PCDHGA7: variants seen among roughly 807,000 people sequenced by gnomAD.
The protein encoded by PCDHGA7 is protocadherin gamma subfamily A, 7.
A neutral mutation model predicts 58.3 loss-of-function variants in PCDHGA7; 44 were observed. The observed-to-expected ratio is 0.75, with a 90% CI of 0.59 to 0.97. The LOEUF is 0.97. Ranked by LOEUF, PCDHGA7 falls within the 50% of genes least tolerant of loss-of-function variation. The pLI is 0.00. For missense variants in PCDHGA7, 1,266 were observed against 1,188.7 expected (o/e 1.06, Z -0.96); for synonymous variants, 516 against 504.2 (o/e 1.02, Z -0.31).
intron 1 of PCDHGA7, among the ~76,000 whole-genome samples, chr5:141,483,725 C>T (rs903001715): frequency 1.3e-5 from 2 of 152,008 alleles, no homozygotes; most frequent in Non-Finnish European, 1.5e-5. Context: ...TGGTTCCCAC[C>T]ATAGTCAAAA....
chr5:141,389,999 G>C (rs777892783), intron 1 of PCDHGA7: 4 of 1,614,018 alleles, frequency 2.5e-6, no homozygotes, highest in Non-Finnish European at 3.4e-6. Context: ...TCGTGGCCAT[G>C]ATTCTGGCCA....
chr5:141,489,696 C>T lies in PCDHGA7; in HGVS notation c.2425-5111C>T. On this transcript the variant is annotated intron_variant, in intron 1 of 3. Transcript: ENST00000518325. This position sits in a 1 kb window ranked among gnomAD's most constrained non-coding sequence, Gnocchi z 4.5. ...AATCAGCAGCATCTGGGGCACGATT[C>T]CCACTGGACAGTGCCCAGGATCCGG... 6.2e-7 allele frequency: 1 copy of T among 1,614,170 alleles called. No homozygotes were observed. Among genetic ancestry groups the T allele is most frequent in the Non-Finnish European group, 8.5e-7 (1 of 1,180,002 alleles).
intron 1 of PCDHGA7, chr5:141,423,505 C>G: frequency 6.2e-7 from 1 of 1,613,932 alleles, no homozygotes; most frequent in Non-Finnish European, 8.5e-7. Context: ...CGAGGTCTCT[C>G]TCATTGCGGA....
chr5:141,430,975 G>A (rs776670383), intron 1 of PCDHGA7: 2 of 1,613,208 alleles, frequency 1.2e-6, no homozygotes, highest in Admixed American at 1.7e-5. Flanking sequence ...GAGGTAGGAC[G>A]CAGCTTTTCG....
chr5:141,394,868 C>G lies in PCDHGA7; in HGVS notation c.2424+9545C>G, dbSNP rs1159006718. On this transcript the variant is annotated intron_variant, in intron 1 of 3. Coordinates refer to ENST00000518325, the MANE Select transcript of PCDHGA7 (RefSeq NM_018920.4). ...GTCTGAAGCCTTCGGTCGACCCGAA[C>G]GATTCGAGCCTTACACTCTATCTCG... The G allele has an allele frequency of 1.7e-5, 27 of 1,613,710 alleles. No homozygotes were observed. In the African/African-American group the frequency reaches 1.7e-4, roughly 10 times the overall value.
rs200349213 is a variant in PCDHGA7 at position 141,425,728 on chromosome 5, GGAT to G, written c.2424+40407_2424+40409del. Among the ~76,000 whole-genome samples the G allele has an allele frequency of 9.8e-4, 149 of 152,196 alleles. 2 individuals carry two copies. In the East Asian group the frequency reaches 0.027, roughly 28 times the overall value. ...AAAATTTTCCCATACCACTTGATGG[GGAT>G]GTTTTCCCACAAGGTTTTTGTTCTA... On this transcript the variant is annotated intron_variant, in intron 1 of 3. Transcript: ENST00000518325.
At chr5:141,484,311 C>T (rs1234690996) in intron 1 of PCDHGA7, among the ~76,000 whole-genome samples, 2 of 152,196 alleles carry the variant, frequency 1.3e-5, no homozygotes, top group African/African-American at 4.8e-5. Flanking sequence ...CTCCACCCCG[C>T]TTCCATACTG....
At chr5:141,410,847 G>GTTTTT (rs773839667) in intron 1 of PCDHGA7, 12 of 158,330 alleles carry the variant, frequency 7.6e-5, no homozygotes, top group African/African-American at 2.5e-4. Flanking sequence ...TTTTGTCTTT[G>GTTTTT]TCTTTTTTTT....
intron 1 of PCDHGA7, among the ~76,000 whole-genome samples, chr5:141,466,826 G>A (rs978548667): frequency 1.2e-4 from 18 of 152,056 alleles, no homozygotes; most frequent in Admixed American, 8.5e-4. Flanking sequence ...TAACAAGTTA[G>A]TATGGGTTTA....
At chr5:141,420,634 G>A (rs891111955) in intron 1 of PCDHGA7, among the ~76,000 whole-genome samples, 2 of 152,080 alleles carry the variant, frequency 1.3e-5, no homozygotes, top group African/African-American at 4.8e-5. Context: ...CTCAATAAAG[G>A]AACCTTGTAA....
chr5:141,489,458 G>A lies in PCDHGA7; in HGVS notation c.2425-5349G>A, dbSNP rs143138320. 3.5e-5 allele frequency: 56 copies of A among 1,614,042 alleles called. No homozygotes were observed. The highest frequency in any genetic ancestry group is 8.0e-5 in the African/African-American group (6 of 75,052). ...CAATTGGGCTCTGAGGAGAATGGGC[G>A]CTATTTTTCCCTGAGCTTGATGAGT... is the stretch of plus-strand genomic sequence containing the variant. On this transcript the variant is annotated intron_variant, in intron 1 of 3. Transcript: ENST00000518325. This position sits in a 1 kb window ranked among gnomAD's most constrained non-coding sequence, Gnocchi z 4.5.
At chr5:141,501,313 ACAC>A (rs2099807743) in intron 2 of PCDHGA7, among the ~76,000 whole-genome samples, 1 of 151,686 alleles carries the variant, frequency 6.6e-6, no homozygotes, top group Non-Finnish European at 1.5e-5. Context: ...ACACACACAC[ACAC>A]ACACACACAC....
chr5:141,451,205 C>G (rs1023049434), intron 1 of PCDHGA7, among the ~76,000 whole-genome samples: 2 of 152,142 alleles, frequency 1.3e-5, no homozygotes, highest in African/African-American at 4.8e-5. Flanking sequence ...TATCCCAAAA[C>G]TTAGTGGCTT....
rs1302496204 is a variant in PCDHGA7, at chr5:141,413,214, T to A, written c.2424+27891T>A. On this transcript the variant is annotated intron_variant, in intron 1 of 3. Coordinates refer to ENST00000518325, the MANE Select transcript of PCDHGA7 (RefSeq NM_018920.4). ...GGAATCGCTCAAAGGAATCAAAGGA[T>A]TGCAGCGGGCTGGTCCTGCTCTGCC... 6 of 1,613,176 alleles carry A rather than the reference T, an allele frequency of 3.7e-6. No homozygotes were observed. The African/African-American group carries it at 8.0e-5, about 22-fold the overall frequency.
intron 1 of PCDHGA7, chr5:141,403,395 C>T (rs758295115): frequency 3.7e-6 from 6 of 1,614,084 alleles, no homozygotes; most frequent in Admixed American, 3.3e-5. Context: ...ATCGCGGTTC[C>T]TGGAGCACGT....
intron 1 of PCDHGA7, among the ~76,000 whole-genome samples, chr5:141,450,233 G>A (rs2098674391): frequency 6.6e-6 from 1 of 152,026 alleles, no homozygotes; most frequent in Non-Finnish European, 1.5e-5. Flanking sequence ...GGCCAGGCTA[G>A]TCTTGAACTC....
At chr5:141,450,453 C>T (rs1202828231) in intron 1 of PCDHGA7, among the ~76,000 whole-genome samples, 3 of 152,058 alleles carry the variant, frequency 2.0e-5, no homozygotes, top group East Asian at 1.9e-4. Flanking sequence ...TATGTTTCCT[C>T]GTGATTTTAT....
chr5:141,503,161 T>C (rs1035413931), intron 2 of PCDHGA7, among the ~76,000 whole-genome samples: 3 of 152,054 alleles, frequency 2.0e-5, no homozygotes, highest in Admixed American at 1.3e-4. Context: ...AGTATCACAA[T>C]TGCAATTACT....
rs138463062 is a variant in PCDHGA7 at position 141,485,217 on chromosome 5, C to G, written c.2425-9590C>G. 6.8e-6 allele frequency: 11 copies of G among 1,613,996 alleles called. No individual in the cohort carries two copies. Among genetic ancestry groups the G allele is most frequent in the Non-Finnish European group, 9.3e-6 (11 of 1,179,978 alleles). ...AGCTGGACAGAAATCTGGCGGTGGGCTACCCTTTTGTTCCTCTTTTACCAC... is the reference window on the plus strand; with the variant it reads ...AGCTGGACAGAAATCTGGCGGTGGGGTACCCTTTTGTTCCTCTTTTACCAC... On this transcript the variant is annotated intron_variant, in intron 1 of 3. Coordinates refer to ENST00000518325, the MANE Select transcript of PCDHGA7 (RefSeq NM_018920.4). This position sits in a 1 kb window ranked among gnomAD's most constrained non-coding sequence, Gnocchi z 5.7.
Sources: allele counts gnomAD v4.1 joint callset (sites outside exome capture counted in the v4.1 genomes callset), GRCh38; gene constraint gnomAD v4.1.1; non-coding constraint Gnocchi (gnomAD v3.1); transcripts MANE v1.5; gene names NCBI Gene and HGNC (gene_info 2026-07-23, HGNC 2026-07-21).